EPHB1: variants seen among roughly 807,000 people sequenced by gnomAD.
The protein encoded by EPHB1 is EPH receptor B1, also known as ephrin type-B receptor 1.
Under a neutral mutation model 94.4 loss-of-function variants are expected in EPHB1, and 30 were observed. The ratio of observed to expected loss-of-function variants is 0.32; its 90% CI spans 0.24 to 0.43. EPHB1 has a LOEUF of 0.43. Among genes scored for constraint, EPHB1 ranks in the 20% least tolerant of loss-of-function variants. EPHB1 has a pLI of 1.00. For missense variants in EPHB1, 1,055 were observed against 1,308.3 expected (o/e 0.81, Z 2.99); for synonymous variants, 522 against 489.1 (o/e 1.07, Z -0.89).
intron 15 of EPHB1, among the ~76,000 whole-genome samples, chr3:135,254,554 A>G (rs13071036): frequency 1.6e-4 from 24 of 151,986 alleles, no homozygotes; most frequent in East Asian, 9.7e-4. Flanking sequence ...TTGCATCCCA[A>G]GGATGAAGCC....
At position 135,181,062 on chromosome 3, in the gene EPHB1, G is replaced by A. The variant is rs188358583; in HGVS notation, c.1882+1080G>A. On this transcript the variant is annotated intron_variant, in intron 10 of 15. Coordinates refer to ENST00000398015, the MANE Select transcript of EPHB1 (RefSeq NM_004441.5). Reference sequence around the variant, plus strand: ...ACAGCTACTTCATATATTATCTTTAGGGGGAATGTCACCATCTTTCTGTTC... The same window carrying A: ...ACAGCTACTTCATATATTATCTTTAAGGGGAATGTCACCATCTTTCTGTTC... Among the ~76,000 whole-genome samples the A allele has an allele frequency of 1.2e-4, 19 of 152,236 alleles. No individual in the cohort carries two copies. In the East Asian group the frequency reaches 1.7e-3, roughly 14 times the overall value.
intron 3 of EPHB1, among the ~76,000 whole-genome samples, chr3:135,051,072 C>A (rs1937156180): frequency 6.6e-6 from 1 of 152,174 alleles, no homozygotes; most frequent in Non-Finnish European, 1.5e-5. Flanking sequence ...AATTACCCAG[C>A]ATTAGGTATT....
At chr3:134,958,514 A>G (rs1299429700) in intron 3 of EPHB1, among the ~76,000 whole-genome samples, 1 of 151,906 alleles carries the variant, frequency 6.6e-6, no homozygotes, top group Non-Finnish European at 1.5e-5. Context: ...TCTCAGTCCC[A>G]TCAGCTATTG....
intron 5 of EPHB1, among the ~76,000 whole-genome samples, chr3:135,147,003 G>T (rs1356367106): frequency 1.3e-5 from 2 of 152,290 alleles, no homozygotes; most frequent in Admixed American, 1.3e-4. Flanking sequence ...CTATTTTACA[G>T]TTGAAGGACC....
intron 3 of EPHB1, among the ~76,000 whole-genome samples, chr3:134,953,847 C>T (rs1435165063): frequency 6.6e-6 from 1 of 152,186 alleles, no homozygotes; most frequent in African/African-American, 2.4e-5. Flanking sequence ...TGTCAGTTAC[C>T]TCCTGTGGCT....
intron 1 of EPHB1, among the ~76,000 whole-genome samples, chr3:134,796,822 C>CTCCA (rs2108280797): frequency 1.3e-5 from 2 of 152,376 alleles, no homozygotes; most frequent in South Asian, 4.1e-4. Context: ...CTCTGGGGGA[C>CTCCA]TCCAAGCCGG....
At chr3:134,810,705 A>G (rs1347219902) in intron 1 of EPHB1, among the ~76,000 whole-genome samples, 1 of 152,208 alleles carries the variant, frequency 6.6e-6, no homozygotes, top group Non-Finnish European at 1.5e-5. Context: ...TACTTACACC[A>G]GCTGAAAACT....
At chr3:135,002,248 C>T (rs1265762655) in intron 3 of EPHB1, among the ~76,000 whole-genome samples, 1 of 152,106 alleles carries the variant, frequency 6.6e-6, no homozygotes, top group South Asian at 2.1e-4. Flanking sequence ...ATTATGGGGG[C>T]ATTTATTGAT....
intron 4 of EPHB1, among the ~76,000 whole-genome samples, chr3:135,115,671 G>A (rs1457776525): frequency 1.3e-5 from 2 of 152,146 alleles, no homozygotes; most frequent in African/African-American, 4.8e-5. Flanking sequence ...GTAAACCAGG[G>A]TTGACTCTCA....
chr3:135,005,731 T>C lies in EPHB1; in HGVS notation c.805+53679T>C, dbSNP rs192376822. Among the ~76,000 whole-genome samples, 151 of 152,274 alleles carry C rather than the reference T, an allele frequency of 9.9e-4. 1 individual carries two copies. Among genetic ancestry groups the C allele is most frequent in the African/African-American group, 3.3e-3 (136 of 41,548 alleles). On this transcript the variant is annotated intron_variant, in intron 3 of 15. Coordinates refer to ENST00000398015, the MANE Select transcript of EPHB1 (RefSeq NM_004441.5). ...GAGTGTCCCGATTTTCCAGGTGCCG[T>C]CCATCACCCCTTTCTTTGATTAGGA...
At chr3:134,938,103 G>A (rs1265851087) in intron 2 of EPHB1, among the ~76,000 whole-genome samples, 4 of 152,110 alleles carry the variant, frequency 2.6e-5, no homozygotes, top group Admixed American at 2.6e-4. Flanking sequence ...AACAGAGACA[G>A]AGAGAAACAG....
At chr3:135,151,720 G>T (rs897172681) in intron 5 of EPHB1, among the ~76,000 whole-genome samples, 1 of 152,124 alleles carries the variant, frequency 6.6e-6, no homozygotes, top group Admixed American at 6.6e-5. Context: ...ATACTACTAA[G>T]TTGCAGGCAA....
intron 6 of EPHB1, among the ~76,000 whole-genome samples, chr3:135,158,535 G>T (rs1269659608): frequency 6.6e-6 from 1 of 152,014 alleles, no homozygotes; most frequent in Non-Finnish European, 1.5e-5. Context: ...ATCTTCCATG[G>T]GTCTCCTGCT....
intron 3 of EPHB1, among the ~76,000 whole-genome samples, chr3:135,055,547 A>C (rs1937324285): frequency 1.3e-5 from 2 of 152,200 alleles, no homozygotes; most frequent in African/African-American, 4.8e-5. Context: ...AGCTCTTTGA[A>C]CCTGGGCAGT....
intron 10 of EPHB1, 70 bp downstream of exon 10, chr3:135,180,052 G>A: frequency 3.2e-6 from 5 of 1,577,500 alleles, no homozygotes; most frequent in Non-Finnish European, 4.3e-6. Flanking sequence ...ACCCTAGATG[G>A]TCTCTTTCAG....
chr3:134,832,649 A>G (rs1418764876), intron 1 of EPHB1, among the ~76,000 whole-genome samples: 2 of 152,228 alleles, frequency 1.3e-5, no homozygotes, highest in Non-Finnish European at 2.9e-5. Flanking sequence ...ATGGAAAACA[A>G]TCTCACTTAT....
intron 4 of EPHB1, among the ~76,000 whole-genome samples, chr3:135,131,155 A>T (rs1303386073): frequency 2.0e-5 from 3 of 152,244 alleles, no homozygotes; most frequent in Non-Finnish European, 4.4e-5. Context: ...GCAAGACTTC[A>T]GTAAAAATGC....
At chr3:135,232,642 G>T (rs1256040722) in intron 12 of EPHB1, among the ~76,000 whole-genome samples, 2 of 152,126 alleles carry the variant, frequency 1.3e-5, no homozygotes, top group Non-Finnish European at 2.9e-5. Flanking sequence ...ATCATTTTAA[G>T]ATCTTTTGAG....
chr3:135,044,294 G>C (rs1250766414), intron 3 of EPHB1, among the ~76,000 whole-genome samples: 1 of 152,216 alleles, frequency 6.6e-6, no homozygotes, highest in Non-Finnish European at 1.5e-5. Context: ...ACCATCTCCT[G>C]AGGGTTTGCA....
Sources: gnomAD v4.1 joint callset for allele counts (sites outside exome capture counted in the v4.1 genomes callset) on GRCh38, gnomAD v4.1.1 for gene constraint, MANE v1.5 for transcripts, NCBI Gene and HGNC (gene_info 2026-07-23, HGNC 2026-07-21) for gene names.